The following IPCEF1 variants were observed in gnomAD, a reference collection of about 807,000 sequenced individuals.
The protein encoded by IPCEF1 is interactor protein for cytohesin exchange factors 1.
A neutral mutation model predicts 50.9 loss-of-function variants in IPCEF1; 31 were observed. The observed-to-expected ratio is 0.61, with a 90% CI of 0.46 to 0.82. The LOEUF is 0.82. Ranked by LOEUF, IPCEF1 falls within the 40% of genes least tolerant of loss-of-function variation. The probability of loss-of-function intolerance (pLI) is 0.00; values close to 1 mark genes in which losing one functional copy is unlikely to be tolerated. For missense variants in IPCEF1, 458 were observed against 514.0 expected, an observed-to-expected ratio of 0.89 and a Z score of 1.05; for synonymous variants, 181 against 192.0, an observed-to-expected ratio of 0.94 and a Z score of 0.47.
chr6:154,342,896 T>C (rs1322095437), intron 1 of IPCEF1, among the ~76,000 whole-genome samples: 2 of 152,206 alleles, frequency 1.3e-5, no homozygotes, highest in African/African-American at 4.8e-5. Flanking sequence ...GTGGATCACC[T>C]GAGTCCAGGA....
intron 1 of IPCEF1, among the ~76,000 whole-genome samples, chr6:154,335,995 G>A (rs771040376): frequency 3.3e-5 from 5 of 152,148 alleles, no homozygotes; most frequent in Non-Finnish European, 5.9e-5. Flanking sequence ...AGTTAGAATG[G>A]CTATTATTTA....
At chr6:154,240,313 G>A (rs958492023) in intron 5 of IPCEF1, among the ~76,000 whole-genome samples, 1 of 152,156 alleles carries the variant, frequency 6.6e-6, no homozygotes, top group African/African-American at 2.4e-5. Context: ...TACGTCCTCT[G>A]CTGCTTATGT....
chr6:154,245,649 T>C (rs1364276086), intron 5 of IPCEF1, among the ~76,000 whole-genome samples: 1 of 152,192 alleles, frequency 6.6e-6, no homozygotes, highest in Non-Finnish European at 1.5e-5. Context: ...TAAAAAGAAC[T>C]TTCCTGGCTT....
At chr6:154,249,698 CAGTG>C (rs1781289421) in intron 3 of IPCEF1, among the ~76,000 whole-genome samples, 1 of 151,970 alleles carries the variant, frequency 6.6e-6, no homozygotes, top group African/African-American at 2.4e-5. Flanking sequence ...AGCTGGGTAC[CAGTG>C]AGTATCCTCC....
At chr6:154,331,399 G>C (rs1562292509) in intron 1 of IPCEF1, among the ~76,000 whole-genome samples, 1 of 133,992 alleles carries the variant, frequency 7.5e-6, no homozygotes, top group African/African-American at 2.7e-5. Flanking sequence ...AAGAAAGAAA[G>C]AAAGAAAGAG....
At chr6:154,162,284 T>C (rs1010432375) in intron 11 of IPCEF1, among the ~76,000 whole-genome samples, 11 of 152,318 alleles carry the variant, frequency 7.2e-5, no homozygotes, top group Middle Eastern at 3.4e-3. Context: ...TGTTATTTCT[T>C]GCATGTTAAA....
intron 1 of IPCEF1, among the ~76,000 whole-genome samples, chr6:154,305,202 A>T (rs982656069): frequency 6.6e-6 from 1 of 152,132 alleles, no homozygotes; most frequent in African/African-American, 2.4e-5. Flanking sequence ...TCCATCTCAG[A>T]GTTTACCCAG....
chr6:154,314,002 C>T (rs1783151413), intron 1 of IPCEF1, among the ~76,000 whole-genome samples: 1 of 152,060 alleles, frequency 6.6e-6, no homozygotes, highest in South Asian at 2.1e-4. Context: ...CCCATCTTGG[C>T]CCCCCAAAAT....
intron 1 of IPCEF1, among the ~76,000 whole-genome samples, chr6:154,294,978 T>C (rs545403202): frequency 1.3e-5 from 2 of 150,186 alleles, no homozygotes; most frequent in African/African-American, 4.8e-5. Flanking sequence ...GCGGGCACAT[T>C]ATGAGGTCAG....
intron 1 of IPCEF1, among the ~76,000 whole-genome samples, chr6:154,354,608 C>T (rs998413792): frequency 6.6e-6 from 1 of 150,756 alleles, no homozygotes; most frequent in African/African-American, 2.4e-5. Context: ...TCCACCATCA[C>T]CTCCCCTACG....
At chr6:154,229,527 T>A (rs952294124) in intron 5 of IPCEF1, among the ~76,000 whole-genome samples, 1 of 142,194 alleles carries the variant, frequency 7.0e-6, no homozygotes, top group Non-Finnish European at 1.5e-5. Flanking sequence ...TTTTTTGTAT[T>A]TTTTTTTTTT....
At chr6:154,220,653 T>A (rs935991385) in intron 7 of IPCEF1, among the ~76,000 whole-genome samples, 1 of 152,028 alleles carries the variant, frequency 6.6e-6, no homozygotes, top group East Asian at 1.9e-4. Context: ...AATAAATAAA[T>A]AAATAAATAA....
In IPCEF1 at chr6:154,288,760, T is replaced by A. The variant is rs193211965; in HGVS notation, c.-18+953A>T. ...CCAGCAAGTTTAAAGTTGTGTTTCA[T>A]CTTTGGAAAAAAATGAATTAAGGCT... On this transcript the variant is annotated intron_variant, in intron 2 of 11. Coordinates refer to ENST00000367220, the MANE Select transcript of IPCEF1 (RefSeq NM_001130700.2). 1.2e-4 allele frequency among the ~76,000 whole-genome samples: 17 copies of A among 144,352 alleles called. No homozygotes were observed. The East Asian group carries it at 3.4e-3, about 29-fold the overall frequency. The allele number at this position is 144,352 out of a possible 152,430, so 94.7% of individuals were successfully genotyped here.
chr6:154,349,384 TTTTA>T (rs1330053694), intron 1 of IPCEF1, among the ~76,000 whole-genome samples: 16 of 99,662 alleles, frequency 1.6e-4, no homozygotes, highest in South Asian at 1.0e-3. Context: ...TTTTATTTTA[TTTTA>T]TTTATTTATT....
Position 154,251,227 on chromosome 6 carries a change from A to T in IPCEF1, c.37-3739T>A, listed in dbSNP as rs151334030. Among the ~76,000 whole-genome samples the T allele has an allele frequency of 2.4e-3, 367 of 152,318 alleles. 2 individuals are homozygous for T. Among genetic ancestry groups the T allele is most frequent in the African/African-American group, 8.2e-3 (340 of 41,566 alleles). ...TGGATAATGAAGAAAGACAATAGAC[A>T]TTCTAACAATAATAACAGAAGCAGT... On this transcript the variant is annotated intron_variant, in intron 3 of 11. Coordinates refer to ENST00000367220, the MANE Select transcript of IPCEF1 (RefSeq NM_001130700.2).
intron 3 of IPCEF1, 152 bp downstream of exon 3, chr6:154,265,760 C>A (rs1031571723): frequency 9.4e-6 from 6 of 640,798 alleles, no homozygotes; most frequent in Non-Finnish European, 1.4e-5. Flanking sequence ...ACCATAAGAC[C>A]GTTTAAATCT....
intron 5 of IPCEF1, among the ~76,000 whole-genome samples, chr6:154,240,522 G>GA (rs11394579): frequency 0.36 from 53,162 of 146,420 alleles, 9,807 homozygotes; most frequent in Middle Eastern, 0.47. Context: ...TTCTTGAGCT[G>GA]AAAAAAAAAA....
chr6:154,348,688 A>G (rs549571854), intron 1 of IPCEF1, among the ~76,000 whole-genome samples: 8 of 152,338 alleles, frequency 5.3e-5, no homozygotes, highest in African/African-American at 1.9e-4. Flanking sequence ...GGAACCAGAA[A>G]ATAAGGTCTT....
At chr6:154,282,683 T>C (rs1274930782) in intron 2 of IPCEF1, among the ~76,000 whole-genome samples, 2 of 151,634 alleles carry the variant, frequency 1.3e-5, no homozygotes, top group African/African-American at 2.4e-5. Context: ...CGAGACTCCG[T>C]CTCAAAAAAA....
Sources: gnomAD v4.1 joint callset for allele counts (sites outside exome capture counted in the v4.1 genomes callset) on GRCh38, gnomAD v4.1.1 for gene constraint, MANE v1.5 for transcripts, NCBI Gene and HGNC (gene_info 2026-07-23, HGNC 2026-07-21) for gene names.